The following SLC14A2 variants were observed in gnomAD, a reference collection of about 807,000 sequenced individuals.
SLC14A2 encodes the protein urea transporter 2.
Under a neutral mutation model 104.6 loss-of-function variants are expected in SLC14A2, and 91 were observed. The observed-to-expected ratio is 0.87, with a 90% CI of 0.73 to 1.04. The LOEUF (loss-of-function observed/expected upper bound fraction) is 1.04. Ranked by LOEUF, SLC14A2 falls within the 50% of genes least tolerant of loss-of-function variation. The probability of loss-of-function intolerance (pLI) is 0.00; values close to 1 mark genes in which losing one functional copy is unlikely to be tolerated. For synonymous variants in SLC14A2, 476 were observed against 466.4 expected (o/e 1.02, Z -0.27); for missense variants, 1,189 against 1,156.0 (o/e 1.03, Z -0.41).
chr18:45,638,424 A>G lies in SLC14A2; in HGVS notation c.843+1242A>G, dbSNP rs1015710287. On this transcript the variant is annotated intron_variant, in intron 6 of 19. Transcript: ENST00000255226. ...ATCATACTTATTCCAGAATTAAATCAAATTGTCAAAAAGTACAAAATTTGG... is the reference window on the plus strand; with the variant it reads ...ATCATACTTATTCCAGAATTAAATCGAATTGTCAAAAAGTACAAAATTTGG... Among the ~76,000 whole-genome samples, 6 of 152,312 alleles carry G rather than the reference A, an allele frequency of 3.9e-5. 1 individual carries two copies. Among genetic ancestry groups the G allele is most frequent in the Admixed American group, 6.5e-5 (1 of 15,308 alleles).
chr18:45,374,365 T>G (rs1049817644), intron 1 of SLC14A2, among the ~76,000 whole-genome samples: 3 of 152,234 alleles, frequency 2.0e-5, no homozygotes, highest in African/African-American at 7.2e-5. Context: ...ATATCTCAAC[T>G]GTGATGTCTG....
At chr18:45,567,104 C>G (rs1222890525) in intron 2 of SLC14A2, among the ~76,000 whole-genome samples, 1 of 122,076 alleles carries the variant, frequency 8.2e-6, no homozygotes, top group Non-Finnish European at 1.7e-5. Flanking sequence ...GTGTGTAACT[C>G]ACAAGGAGAA....
intron 1 of SLC14A2, among the ~76,000 whole-genome samples, chr18:45,278,456 G>C (rs761021871): frequency 1.3e-5 from 2 of 152,280 alleles, no homozygotes; most frequent in East Asian, 1.9e-4. Flanking sequence ...CACTGTGTTA[G>C]AGCATCAGAT....
At chr18:45,640,263 G>T (rs1229015627) in intron 7 of SLC14A2, among the ~76,000 whole-genome samples, 3 of 151,248 alleles carry the variant, frequency 2.0e-5, no homozygotes, top group Non-Finnish European at 4.4e-5. Context: ...GAAATAGAGT[G>T]AGACTCCGTC....
chr18:45,272,216 A>G (rs1344015875), intron 1 of SLC14A2, among the ~76,000 whole-genome samples: 2 of 152,118 alleles, frequency 1.3e-5, no homozygotes, highest in Non-Finnish European at 2.9e-5. Context: ...TTCAGCTACC[A>G]TATCATCCAG....
chr18:45,378,682 G>A (rs1016810278), intron 1 of SLC14A2, among the ~76,000 whole-genome samples: 2 of 152,182 alleles, frequency 1.3e-5, no homozygotes, highest in African/African-American at 4.8e-5. Flanking sequence ...TGAGAGGAGG[G>A]GACATGTCTG....
intron 1 of SLC14A2, among the ~76,000 whole-genome samples, chr18:45,225,579 G>A (rs1206878625): frequency 6.6e-6 from 1 of 152,118 alleles, no homozygotes; most frequent in Non-Finnish European, 1.5e-5. Flanking sequence ...AAATTACCTT[G>A]GGCAGTATGG....
chr18:45,552,353 TG>T (rs1187941977), intron 2 of SLC14A2, among the ~76,000 whole-genome samples: 2 of 152,188 alleles, frequency 1.3e-5, no homozygotes, highest in East Asian at 3.9e-4. Context: ...AGCTGGGCCC[TG>T]CCAGCCCCAG....
intron 1 of SLC14A2, among the ~76,000 whole-genome samples, chr18:45,466,526 A>G (rs1265794746): frequency 2.7e-5 from 4 of 148,760 alleles, no homozygotes; most frequent in African/African-American, 1.0e-4. Context: ...ATGAGTTCAA[A>G]ATGTGGGATT....
chr18:45,474,641 C>T (rs1321481066), intron 1 of SLC14A2, among the ~76,000 whole-genome samples: 2 of 152,136 alleles, frequency 1.3e-5, no homozygotes, highest in Non-Finnish European at 2.9e-5. Context: ...TCCATTTCTT[C>T]TAGATTTTCT....
chr18:45,465,553 G>A (rs983307030), intron 1 of SLC14A2, among the ~76,000 whole-genome samples: 3 of 152,020 alleles, frequency 2.0e-5, no homozygotes, highest in South Asian at 4.2e-4. Context: ...ACCTGGGCCC[G>A]AAGCCTCCCT....
chr18:45,231,350 G>A (rs889454654), intron 1 of SLC14A2, among the ~76,000 whole-genome samples: 5 of 152,034 alleles, frequency 3.3e-5, no homozygotes, highest in African/African-American at 9.7e-5. Context: ...CTACTAGCAT[G>A]CATCACCATG....
At chr18:45,430,334 T>G (rs1234596493) in intron 1 of SLC14A2, among the ~76,000 whole-genome samples, 3 of 152,210 alleles carry the variant, frequency 2.0e-5, no homozygotes, top group African/African-American at 7.2e-5. Flanking sequence ...GTTATATTTG[T>G]TGGACATTTG....
intron 1 of SLC14A2, among the ~76,000 whole-genome samples, chr18:45,298,977 T>A (rs1037811783): frequency 1.4e-5 from 2 of 146,696 alleles, no homozygotes; most frequent in Non-Finnish European, 3.0e-5. Flanking sequence ...ATTTAACTGT[T>A]AAAAAAAAAA....
chr18:45,197,882 ATTGGTG>A, the SLC14A2 span, among the ~76,000 whole-genome samples: 1 of 152,182 alleles, frequency 6.6e-6, no homozygotes, highest in East Asian at 1.9e-4. Flanking sequence ...TCCAGGGTAA[ATTGGTG>A]CCAATCTAGG....
chr18:45,658,054 A>G (rs1397550416), intron 10 of SLC14A2, among the ~76,000 whole-genome samples: 2 of 152,190 alleles, frequency 1.3e-5, no homozygotes, highest in African/African-American at 4.8e-5. Flanking sequence ...AGATCAAATT[A>G]TACGTGATGT....
chr18:45,388,020 G>A (rs1419371377), intron 1 of SLC14A2, among the ~76,000 whole-genome samples: 3 of 150,380 alleles, frequency 2.0e-5, no homozygotes, highest in Admixed American at 2.0e-4. Flanking sequence ...AAGGCTCAAA[G>A]GAGGATGAAG....
chr18:45,421,985 AC>A (rs2144521517), intron 1 of SLC14A2, among the ~76,000 whole-genome samples: 1 of 152,346 alleles, frequency 6.6e-6, no homozygotes, highest in East Asian at 1.9e-4. Flanking sequence ...AGGAGGTTAT[AC>A]CACAGAAATG....
chr18:45,399,199 C>G (rs965781212), intron 1 of SLC14A2, among the ~76,000 whole-genome samples: 2 of 152,142 alleles, frequency 1.3e-5, no homozygotes, highest in African/African-American at 4.8e-5. Flanking sequence ...AGAATTTGAA[C>G]CCAGGCAGTC....
Sources: allele counts gnomAD v4.1 joint callset (sites outside exome capture counted in the v4.1 genomes callset), GRCh38; gene constraint gnomAD v4.1.1; transcripts MANE v1.5; gene names NCBI Gene and HGNC (gene_info 2026-07-23, HGNC 2026-07-21).